The following RMND5B variants were observed in gnomAD, a reference collection of about 807,000 sequenced individuals.
The protein encoded by RMND5B is required for meiotic nuclear division 5 homolog B.
A neutral mutation model predicts 50.4 loss-of-function variants in RMND5B; 42 were observed. That is an observed-to-expected ratio of 0.83 (90% CI 0.65 to 1.08). The LOEUF (loss-of-function observed/expected upper bound fraction) is 1.08, where lower values mean the gene tolerates loss of function less well. RMND5B is among the 50% of genes least tolerant of loss of function. The pLI, the probability that RMND5B is intolerant of heterozygous loss-of-function variation, is 0.00. For missense variants in RMND5B, 463 were observed against 508.5 expected (o/e 0.91, Z 0.86); for synonymous variants, 220 against 210.0 (o/e 1.05, Z -0.41).
intron 2 of RMND5B, among the ~76,000 whole-genome samples, chr5:178,132,869 G>C (rs1342709747): frequency 1.1e-5 from 1 of 92,290 alleles, no homozygotes; most frequent in South Asian, 4.0e-4. Context: ...GTTTTTGTTT[G>C]TTTGTTTGTT....
At chr5:178,141,624 G>A (rs554178093) in intron 3 of RMND5B, 2 of 152,244 alleles carry the variant, frequency 1.3e-5, no homozygotes, top group Admixed American at 1.3e-4. Flanking sequence ...ACCAGTCTGG[G>A]TAATATGGTA....
In RMND5B at chr5:178,142,722, T is replaced by C. The variant is rs981690868; in HGVS notation, c.279T>C (p.Ile93=). 3 of 1,614,100 alleles carry C rather than the reference T, an allele frequency of 1.9e-6. No homozygotes were observed. The African/African-American group carries it at 4.0e-5, about 22-fold the overall frequency. Reference sequence around the variant, plus strand: ...GTGTATCCCGAGTGGGCAAAGCCATTGACAGGGTGAGCACGTGGCCGGCTC... The same window carrying C: ...GTGTATCCCGAGTGGGCAAAGCCATCGACAGGGTGAGCACGTGGCCGGCTC... ...HSSVSRVGKA[I]DRNFDSEICG... The change falls in exon 4 of 11, where the codon ATT becomes ATC. Residue 93 remains isoleucine (I), a synonymous_variant. Transcript: ENST00000313386.
chr5:178,131,016 CAG>C lies in RMND5B; in HGVS notation c.-190_-189del, dbSNP rs1353955137. The stretch of plus-strand genomic sequence containing the variant: ...CCGCCGCGGCTTCCGGTTCCGATGA[CAG>C]TGGCGCCGGAAGCCGGGGCCGGGGC... On this transcript the variant is annotated 5_prime_UTR_variant, in exon 1 of 11. Coordinates refer to ENST00000313386, the MANE Select transcript of RMND5B (RefSeq NM_022762.5). The C allele has an allele frequency of 6.6e-6, 1 of 151,778 alleles. No individual in the cohort carries two copies. Among genetic ancestry groups the C allele is most frequent in the African/African-American group, 2.4e-5 (1 of 41,352 alleles). The allele number at this position is 151,778 out of a possible 1,614,324, so 9.4% of individuals were successfully genotyped here.
At position 178,144,021 on chromosome 5, in the gene RMND5B, C is replaced by T. The variant is rs376722623; in HGVS notation, c.607C>T (p.Arg203Cys). Residue 203 changes from arginine (R) to cysteine (C), a missense_variant, in exon 7 of 11, where the codon CGC becomes TGC. Coordinates refer to ENST00000313386, the MANE Select transcript of RMND5B (RefSeq NM_022762.5). Reference sequence around the variant, plus strand: ...CAAGCTGCACCGACTGCACTTCATCCGCCTCTTGGCAGGAGGCCCCGCGAA... The same window carrying T: ...CAAGCTGCACCGACTGCACTTCATCTGCCTCTTGGCAGGAGGCCCCGCGAA... ...EFKLHRLHFI[R>C]LLAGGPAKQL... The T allele has an allele frequency of 9.9e-6, 16 of 1,614,142 alleles. No homozygotes were observed. The highest frequency in any genetic ancestry group is 1.1e-5 in the South Asian group (1 of 91,092).
chr5:178,138,834 A>G lies in RMND5B; in HGVS notation c.139+576A>G, dbSNP rs1344170291. On this transcript the variant is annotated intron_variant, in intron 3 of 10. Coordinates refer to ENST00000313386, the MANE Select transcript of RMND5B (RefSeq NM_022762.5). This position sits in a 1 kb window ranked among gnomAD's most constrained non-coding sequence, Gnocchi z 5.1. Reference sequence around the variant, plus strand: ...CATTTGAAAATAAGTTGTAGATAACATAGCCCCAAGCCTTCAGTGTGTATG... The same window carrying G: ...CATTTGAAAATAAGTTGTAGATAACGTAGCCCCAAGCCTTCAGTGTGTATG... Among the ~76,000 whole-genome samples the G allele has an allele frequency of 6.6e-6, 1 of 152,236 alleles. No individual in the cohort carries two copies. Among genetic ancestry groups the G allele is most frequent in the Non-Finnish European group, 1.5e-5 (1 of 68,038 alleles).
Position 178,133,714 on chromosome 5 carries a change from A to AT in RMND5B, c.-13+2352dup, listed in dbSNP as rs35907767. 5.3e-4 allele frequency: 76 copies of AT among 143,484 alleles called. 1 individual carries two copies. Among genetic ancestry groups the AT allele is most frequent in the African/African-American group, 1.3e-3 (50 of 38,666 alleles). The allele number at this position is 143,484 out of a possible 1,614,324, so 8.9% of individuals were successfully genotyped here. On this transcript the variant is annotated intron_variant, in intron 2 of 10. Transcript: ENST00000313386. Reference sequence around the variant, plus strand: ...GAGCCACTGCGCCGGCCAATCAACAATTTTTTTTTTTTTTGGAGACGGAGT... The same window carrying AT: ...GAGCCACTGCGCCGGCCAATCAACAATTTTTTTTTTTTTTTGGAGACGGAGT...
chr5:178,131,921 G>A lies in RMND5B; in HGVS notation c.-13+545G>A, dbSNP rs114906361. Among the ~76,000 whole-genome samples, 1,432 of 152,270 alleles carry A rather than the reference G, an allele frequency of 9.4e-3. 21 individuals are homozygous for A. Among genetic ancestry groups the A allele is most frequent in the African/African-American group, 0.033 (1,374 of 41,532 alleles). The stretch of plus-strand genomic sequence containing the variant: ...ACATAGAGTCTGTAGGTCAGAGAGA[G>A]GAATGTGGAGTTTTTTCTAAGTACA... On this transcript the variant is annotated intron_variant, in intron 2 of 10. Coordinates refer to ENST00000313386, the MANE Select transcript of RMND5B (RefSeq NM_022762.5).
intron 7 of RMND5B, among the ~76,000 whole-genome samples, chr5:178,144,425 C>G (rs1035509610): frequency 1.3e-5 from 2 of 151,860 alleles, no homozygotes; most frequent in African/African-American, 4.8e-5. Context: ...CCTCCCTGAC[C>G]TGTGTGGCCT....
At chr5:178,143,918 C>T (rs756704722) in intron 6 of RMND5B, 24 bp from the exon 7 acceptor site, 1 of 1,612,758 alleles carries the variant, frequency 6.2e-7, no homozygotes, top group Non-Finnish European at 8.5e-7. Context: ...CAGCTCTACA[C>T]TAAACTGGCC....
intron 2 of RMND5B, among the ~76,000 whole-genome samples, chr5:178,132,934 A>G (rs1434838586): frequency 1.3e-5 from 2 of 149,776 alleles, no homozygotes; most frequent in Admixed American, 1.3e-4. Context: ...GCGCCATCTC[A>G]GCTCACTGCA....
In RMND5B at chr5:178,146,242, C is replaced by T. The variant is rs770156984; in HGVS notation, c.823C>T (p.Leu275=). Residue 275 remains leucine (L), a synonymous_variant, in exon 8 of 11, where the codon CTG becomes TTG. Coordinates refer to ENST00000313386, the MANE Select transcript of RMND5B (RefSeq NM_022762.5). Reference sequence around the variant, plus strand: ...GACCTTTACCCGGGACGCCTGTTCCCTGCTGGGGCTTTCTGTGGAGTCCCC... The same window carrying T: ...GACCTTTACCCGGGACGCCTGTTCCTTGCTGGGGCTTTCTGTGGAGTCCCC... ...CETFTRDACS[L]LGLSVESPLS... 15 of 1,614,178 alleles carry T rather than the reference C, an allele frequency of 9.3e-6. No homozygotes were observed. The South Asian group carries it at 1.5e-4, about 17-fold the overall frequency.
At chr5:178,139,239 C>T (rs535722015) in intron 3 of RMND5B, among the ~76,000 whole-genome samples, 1 of 149,058 alleles carries the variant, frequency 6.7e-6, no homozygotes, top group African/African-American at 2.5e-5. Flanking sequence ...TGGAGTCTTA[C>T]TGTTGCTCAG....
intron 5 of RMND5B, among the ~76,000 whole-genome samples, chr5:178,143,235 G>A (rs1473698442): frequency 6.6e-6 from 1 of 152,212 alleles, no homozygotes; most frequent in Non-Finnish European, 1.5e-5. Context: ...TTATTGAAAA[G>A]GGAGCTGAGT....
chr5:178,143,949 G>A lies in RMND5B; in HGVS notation c.535G>A (p.Val179Ile), dbSNP rs201730015. Residue 179 changes from valine (V) to isoleucine (I), a missense_variant, in exon 7 of 11, where the codon GTC becomes ATC. Physicochemically the swap from Val to Ile is conservative, Grantham distance 29. Transcript: ENST00000313386. ...TGGCCCCTTTCTTCCCAGATGGGCC[G>A]TCTCCCACAGGCAGCGCCTGCTGGA... Reference protein sequence around the residue: ...QDLGPALEWAVSHRQRLLELN... With the variant: ...QDLGPALEWAISHRQRLLELN... The A allele has an allele frequency of 1.3e-4, 207 of 1,614,152 alleles. 1 individual carries two copies. The highest frequency in any genetic ancestry group is 8.7e-4 in the South Asian group (79 of 91,080).
chr5:178,145,393 G>A (rs1238271177), intron 7 of RMND5B, among the ~76,000 whole-genome samples: 1 of 151,754 alleles, frequency 6.6e-6, no homozygotes, highest in Non-Finnish European at 1.5e-5. Flanking sequence ...GGCTGAGGTA[G>A]GATAATCACT....
chr5:178,142,950 G>C lies in RMND5B; in HGVS notation c.384G>C (p.Leu128=), dbSNP rs771885313. 1.9e-6 allele frequency: 3 copies of C among 1,614,228 alleles called. No individual in the cohort carries two copies. In the South Asian group the frequency reaches 3.3e-5, roughly 18 times the overall value. Residue 128 remains leucine, a synonymous_variant, in exon 5 of 11, where the codon CTG becomes CTC. Coordinates refer to ENST00000313386, the MANE Select transcript of RMND5B (RefSeq NM_022762.5). ...TGCAGATGGCCATCGTGGAACACCT[G>C]TATCAGCAGGGCATGCTCAGCGTGG... ...QILQMAIVEH[L]YQQGMLSVAE...
Position 178,147,644 on chromosome 5 carries a change from T to C in RMND5B, c.963+9T>C, listed in dbSNP as rs1581132232. On this transcript the variant is annotated intron_variant, in intron 9 of 10. Transcript: ENST00000313386. ...ACAAGGACGAGTTACCGGTGAGGCC[T>C]GGTCTGGGGAATCGTGGGCAAGAGG... The C allele has an allele frequency of 1.1e-5, 17 of 1,614,098 alleles. No individual in the cohort carries two copies. The highest frequency in any genetic ancestry group is 1.4e-5 in the Non-Finnish European group (17 of 1,179,958).
rs1467948773 is a variant in RMND5B, at chr5:178,143,689, G to A, written c.489G>A (p.Leu163=). ...CTTTCCTAGAGTTGAATCGAATCCTGGAAGCCCTGCACGAACAAGACCTGG... is the reference window on the plus strand; with the variant it reads ...CTTTCCTAGAGTTGAATCGAATCCTAGAAGCCCTGCACGAACAAGACCTGG... ...KQPFLELNRI[L]EALHEQDLGP... The change falls in exon 6 of 11, where the codon CTG becomes CTA. Residue 163 remains leucine, a synonymous_variant. Coordinates refer to ENST00000313386, the MANE Select transcript of RMND5B (RefSeq NM_022762.5). 4 of 1,614,028 alleles carry A rather than the reference G, an allele frequency of 2.5e-6. No individual in the cohort carries two copies. The highest frequency in any genetic ancestry group is 2.2e-5 in the East Asian group (1 of 44,900).
chr5:178,142,100 G>C (rs1001892975), intron 3 of RMND5B: 1 of 160,338 alleles, frequency 6.2e-6, no homozygotes, highest in African/African-American at 2.4e-5. Context: ...GGACATTTGG[G>C]TTGTTTCCAC....
Sources: allele counts gnomAD v4.1 joint callset (sites outside exome capture counted in the v4.1 genomes callset), GRCh38; gene constraint gnomAD v4.1.1; non-coding constraint Gnocchi (gnomAD v3.1); transcripts MANE v1.5; gene names NCBI Gene and HGNC (gene_info 2026-07-23, HGNC 2026-07-21).